Variants in UBAP2 observed in about 807,000 individuals in gnomAD.
UBAP2 encodes the protein ubiquitin-associated protein 2.
Under a neutral mutation model 139.6 loss-of-function variants are expected in UBAP2, and 75 were observed. That is an observed-to-expected ratio of 0.54 (90% CI 0.45 to 0.65). The LOEUF (loss-of-function observed/expected upper bound fraction) is 0.65. Among genes scored for constraint, UBAP2 ranks in the 30% least tolerant of loss-of-function variants. UBAP2 has a pLI of 0.00. For synonymous variants in UBAP2, 526 were observed against 526.2 expected (o/e 1.00, Z 0.01); for missense variants, 1,368 against 1,369.6 (o/e 1.00, Z 0.02).
intron 8 of UBAP2, chr9:33,968,335 C>A: frequency 1.7e-6 from 1 of 583,502 alleles, no homozygotes; most frequent in South Asian, 1.4e-5. Context: ...GTTCATCGGT[C>A]ACAGAGCCAA....
intron 1 of UBAP2, among the ~76,000 whole-genome samples, chr9:34,026,957 G>C (rs547295812): frequency 6.6e-6 from 1 of 152,112 alleles, no homozygotes; most frequent in African/African-American, 2.4e-5. Context: ...TGCAAAGCTT[G>C]TGCCTGATGA....
chr9:34,031,603 G>A (rs556736828), intron 1 of UBAP2, among the ~76,000 whole-genome samples: 5 of 151,684 alleles, frequency 3.3e-5, no homozygotes, highest in Non-Finnish European at 7.4e-5. Flanking sequence ...CACCACGCCC[G>A]GCCTTAACTT....
Position 34,016,364 on chromosome 9 carries a change from C to CGGTGGTGGTGGTGGTGGTGGT in UBAP2, c.99+685_99+686insACCACCACCACCACCACCACC, listed in dbSNP as rs1564064359. On this transcript the variant is annotated intron_variant, in intron 2 of 28. Transcript: ENST00000379238. The stretch of plus-strand genomic sequence containing the variant: ...GAAGAGGAGGAGGCAGCAGCGGCGG[C>CGGTGGTGGTGGTGGTGGTGGT]AGCGGCGGTGGTGGTGGTGGTGGTG... Among the ~76,000 whole-genome samples the CGGTGGTGGTGGTGGTGGTGGT allele has an allele frequency of 5.0e-5, 2 of 39,614 alleles. 1 individual carries two copies. Among genetic ancestry groups the CGGTGGTGGTGGTGGTGGTGGT allele is most frequent in the Non-Finnish European group, 1.0e-4 (2 of 19,904 alleles). 26.0% of individuals were successfully genotyped at this position (39,614 alleles called of 152,430 possible).
chr9:34,019,688 TACACACACACACACACACAC>T (rs56358132), intron 1 of UBAP2, among the ~76,000 whole-genome samples: 2 of 144,754 alleles, frequency 1.4e-5, no homozygotes, highest in African/African-American at 5.2e-5. Flanking sequence ...TACATTTTAC[TACACACACACACACACACAC>T]ACACACACAC....
At chr9:33,992,733 T>C (rs1349913350) in intron 4 of UBAP2, among the ~76,000 whole-genome samples, 1 of 152,022 alleles carries the variant, frequency 6.6e-6, no homozygotes, top group African/African-American at 2.4e-5. Context: ...GCTAAAAAGA[T>C]TACTGTGTAT....
intron 2 of UBAP2, among the ~76,000 whole-genome samples, chr9:34,012,359 C>T (rs950143177): frequency 1.3e-5 from 2 of 152,110 alleles, no homozygotes; most frequent in Admixed American, 1.3e-4. Context: ...GGCGAAACCT[C>T]GTTTCTACTG....
intron 1 of UBAP2, among the ~76,000 whole-genome samples, chr9:34,019,904 G>A (rs932041426): frequency 6.6e-6 from 1 of 151,924 alleles, no homozygotes; most frequent in Non-Finnish European, 1.5e-5. Context: ...GCTCATATCT[G>A]TAATCCTAAC....
chr9:33,922,925 C>G, intron 27 of UBAP2, 41 bp downstream of exon 27: 1 of 1,613,958 alleles, frequency 6.2e-7, no homozygotes, highest in Non-Finnish European at 8.5e-7. Context: ...GGGCTGTAAC[C>G]TCTCAAAAAC....
chr9:33,924,186 C>T lies in UBAP2; in HGVS notation c.2590+20G>A, dbSNP rs1056954110. 1.2e-6 allele frequency: 2 copies of T among 1,613,568 alleles called. No individual in the cohort carries two copies. Among genetic ancestry groups the T allele is most frequent in the South Asian group, 1.1e-5 (1 of 91,068 alleles). ...GCTAGGCCGGCCCCGGGCTACTCCT[C>T]ATCCATTGAGCAAACTCACCTGGAT... is the stretch of plus-strand genomic sequence containing the variant. On this transcript the variant is annotated intron_variant, in intron 23 of 28. Coordinates refer to ENST00000379238, the MANE Select transcript of UBAP2 (RefSeq NM_001370062.2).
At chr9:34,027,142 A>T (rs1490861933) in intron 1 of UBAP2, among the ~76,000 whole-genome samples, 6 of 129,564 alleles carry the variant, frequency 4.6e-5, no homozygotes, top group Non-Finnish European at 9.8e-5. Flanking sequence ...TCTGCAGAGG[A>T]AATTCATTTA....
At chr9:34,010,277 A>G (rs1823635072) in intron 2 of UBAP2, among the ~76,000 whole-genome samples, 1 of 151,038 alleles carries the variant, frequency 6.6e-6, no homozygotes, top group African/African-American at 2.4e-5. Context: ...TAGAAAAATT[A>G]GCCAGTCATG....
chr9:34,016,357 G>T (rs1268578191), intron 2 of UBAP2, among the ~76,000 whole-genome samples: 3 of 66,830 alleles, frequency 4.5e-5, no homozygotes, highest in Non-Finnish European at 1.1e-4. Context: ...GGAGGCAGCA[G>T]CGGCGGCAGC....
chr9:34,028,946 A>G (rs1825649375), intron 1 of UBAP2, among the ~76,000 whole-genome samples: 1 of 151,996 alleles, frequency 6.6e-6, no homozygotes, highest in South Asian at 2.1e-4. Flanking sequence ...GTCCTCGTCT[A>G]TACAATAAAT....
At chr9:33,973,676 T>A (rs1159079343) in intron 6 of UBAP2, among the ~76,000 whole-genome samples, 9 of 152,152 alleles carry the variant, frequency 5.9e-5, no homozygotes, top group Non-Finnish European at 1.0e-4. Flanking sequence ...GCAGCAAGCA[T>A]GAGAACAAGC....
intron 1 of UBAP2, among the ~76,000 whole-genome samples, chr9:34,043,060 C>G (rs969814102): frequency 2.6e-5 from 4 of 152,042 alleles, no homozygotes; most frequent in Non-Finnish European, 4.4e-5. Flanking sequence ...AAAGCAAGAC[C>G]CTGTCTCCAA....
chr9:33,929,380 C>T (rs866530853), intron 19 of UBAP2, among the ~76,000 whole-genome samples: 5 of 152,186 alleles, frequency 3.3e-5, no homozygotes, highest in African/African-American at 1.2e-4. Flanking sequence ...TCTTCCAGAA[C>T]TGGGAGTACA....
At chr9:34,037,834 T>C (rs1468844814) in intron 1 of UBAP2, among the ~76,000 whole-genome samples, 1 of 151,566 alleles carries the variant, frequency 6.6e-6, no homozygotes, top group Non-Finnish European at 1.5e-5. Context: ...AATATGTAAA[T>C]ACAGAAACCC....
chr9:33,992,183 G>A (rs747471455), intron 4 of UBAP2, among the ~76,000 whole-genome samples: 23 of 152,036 alleles, frequency 1.5e-4, no homozygotes, highest in Admixed American at 5.2e-4. Flanking sequence ...GAGGTTGGGA[G>A]TTCAAGACCA....
At chr9:33,972,099 T>C (rs143984490) in intron 7 of UBAP2, among the ~76,000 whole-genome samples, 296 of 152,344 alleles carry the variant, frequency 1.9e-3, no homozygotes, top group Non-Finnish European at 2.8e-3. Context: ...AAGGCATAAA[T>C]AGGCAACAGG....
Sources: allele counts gnomAD v4.1 joint callset (sites outside exome capture counted in the v4.1 genomes callset), GRCh38; gene constraint gnomAD v4.1.1; transcripts MANE v1.5; gene names NCBI Gene and HGNC (gene_info 2026-07-23, HGNC 2026-07-21).